Variants in GLIS3 observed in about 807,000 individuals in gnomAD.
GLIS3 encodes the protein zinc finger protein GLIS3.
In GLIS3, 53 loss-of-function variants were observed where a neutral mutation model predicts 78.6. The observed-to-expected ratio is 0.67, with a 90% CI of 0.54 to 0.85. The LOEUF is 0.85. Among genes scored for constraint, GLIS3 ranks in the 40% least tolerant of loss-of-function variants. GLIS3 has a pLI of 0.00. For synonymous variants in GLIS3, 684 were observed against 509.9 expected (o/e 1.34, Z -4.60); for missense variants, 1,703 against 1,231.1 (o/e 1.38, Z -5.74).
At chr9:4,297,364 A>G (rs1156591440) in intron 1 of GLIS3, among the ~76,000 whole-genome samples, 1 of 152,178 alleles carries the variant, frequency 6.6e-6, no homozygotes, top group African/African-American at 2.4e-5. Context: ...CAAAACCTCT[A>G]ACGTCTCTGG....
chr9:4,062,690 G>T (rs1293427849), intron 4 of GLIS3, among the ~76,000 whole-genome samples: 5 of 152,220 alleles, frequency 3.3e-5, no homozygotes, highest in Non-Finnish European at 2.9e-5. Context: ...CACTTCGGGA[G>T]GCCGAGGCGG....
At chr9:3,910,722 T>C (rs766200374) in intron 6 of GLIS3, among the ~76,000 whole-genome samples, 2 of 152,234 alleles carry the variant, frequency 1.3e-5, no homozygotes, top group Non-Finnish European at 2.9e-5. Flanking sequence ...TGGGCAAGTA[T>C]ATTCACTTTC....
Position 4,247,008 on chromosome 9 carries a change from T to C in GLIS3, c.388+39030A>G, listed in dbSNP as rs187504222. Among the ~76,000 whole-genome samples, 482 of 152,310 alleles carry C rather than the reference T, an allele frequency of 3.2e-3. 3 individuals carry two copies. The highest frequency in any genetic ancestry group is 0.01 in the Middle Eastern group (3 of 294). On this transcript the variant is annotated intron_variant, in intron 2 of 10. Coordinates refer to ENST00000381971, the MANE Select transcript of GLIS3 (RefSeq NM_001042413.2). ...TTGTGAAAAGTGGTTGAATTGTCTG[T>C]TCCACATTTTTTCACTAGAACAACT...
chr9:4,037,384 G>A (rs1317315447), intron 4 of GLIS3, among the ~76,000 whole-genome samples: 3 of 152,118 alleles, frequency 2.0e-5, no homozygotes, highest in Non-Finnish European at 4.4e-5. Flanking sequence ...TAAAAGTGTC[G>A]ATCTGATAGG....
In GLIS3 at chr9:4,158,209, T is replaced by A. The variant is rs142523218; in HGVS notation, c.389-32268A>T. ...TCCTTCTTATGTTTCATAAGCTCCT[T>A]TCTCCATTACATCAATTCTGAGTTT... On this transcript the variant is annotated intron_variant, in intron 2 of 10. Coordinates refer to ENST00000381971, the MANE Select transcript of GLIS3 (RefSeq NM_001042413.2). Among the ~76,000 whole-genome samples the A allele has an allele frequency of 8.7e-3, 1,326 of 152,344 alleles. 14 individuals carry two copies. Among genetic ancestry groups the A allele is most frequent in the Middle Eastern group, 0.031 (9 of 294 alleles).
chr9:4,235,794 T>A (rs932922325), intron 2 of GLIS3, among the ~76,000 whole-genome samples: 3 of 152,150 alleles, frequency 2.0e-5, no homozygotes, highest in Non-Finnish European at 4.4e-5. Flanking sequence ...ACATCAATAA[T>A]AACATGGCTG....
chr9:4,208,146 T>C (rs1820048734), intron 2 of GLIS3, among the ~76,000 whole-genome samples: 1 of 152,216 alleles, frequency 6.6e-6, no homozygotes, highest in Non-Finnish European at 1.5e-5. Context: ...GAGAAAAGCT[T>C]TTATTTGACA....
chr9:4,219,197 C>T (rs1487129399), intron 2 of GLIS3, among the ~76,000 whole-genome samples: 1 of 152,216 alleles, frequency 6.6e-6, no homozygotes. Context: ...TCCATGTCCT[C>T]TTCCACGGTC....
chr9:3,841,858 G>C (rs1818739155), intron 9 of GLIS3, among the ~76,000 whole-genome samples: 1 of 152,124 alleles, frequency 6.6e-6, no homozygotes, highest in South Asian at 2.1e-4. Context: ...TATAAGCCTG[G>C]TGTTACCTGT....
chr9:4,233,099 C>G (rs1400901932), intron 2 of GLIS3, among the ~76,000 whole-genome samples: 1 of 152,178 alleles, frequency 6.6e-6, no homozygotes. Flanking sequence ...ACCAACGATA[C>G]AAATACAAAG....
At chr9:4,173,408 C>T (rs979870904) in intron 2 of GLIS3, among the ~76,000 whole-genome samples, 3 of 152,084 alleles carry the variant, frequency 2.0e-5, no homozygotes, top group African/African-American at 7.2e-5. Context: ...TTAACCGTGC[C>T]ACGTGTGTCT....
intron 2 of GLIS3, among the ~76,000 whole-genome samples, chr9:4,321,894 T>C (rs1337478506): frequency 2.0e-5 from 3 of 152,076 alleles, no homozygotes; most frequent in Non-Finnish European, 4.4e-5. Context: ...TTTTTATTAT[T>C]ATGCTTTAAT....
intron 2 of GLIS3, among the ~76,000 whole-genome samples, chr9:4,280,052 C>A (rs1218474736): frequency 6.6e-6 from 1 of 152,194 alleles, no homozygotes; most frequent in Non-Finnish European, 1.5e-5. Flanking sequence ...CAGGGTCTCA[C>A]TCTGTCACCC....
chr9:4,389,843 A>C, the GLIS3 span, among the ~76,000 whole-genome samples: 1 of 152,122 alleles, frequency 6.6e-6, no homozygotes, highest in Non-Finnish European at 1.5e-5. Flanking sequence ...TATTTCAGGC[A>C]CTCTTCTATT....
chr9:3,941,348 TTTTATTTTATTTATTTATTTA>T (rs907814311), intron 4 of GLIS3, among the ~76,000 whole-genome samples: 1 of 151,764 alleles, frequency 6.6e-6, no homozygotes, highest in Non-Finnish European at 1.5e-5. Flanking sequence ...ATTCCCAACT[TTTTATTTTATTTATTTATTTA>T]TTTATTTTAT....
rs539400593 is a variant in GLIS3 at position 4,220,466 on chromosome 9, C to T, written c.388+65572G>A. On this transcript the variant is annotated intron_variant, in intron 2 of 10. Transcript: ENST00000381971. ...AAGGGATAGAAGTTAACACCACCAG[C>T]ATTAGACAGATTGATGCCCACTGAT... is the stretch of plus-strand genomic sequence containing the variant. Among the ~76,000 whole-genome samples the T allele has an allele frequency of 2.6e-5, 4 of 152,348 alleles. No homozygotes were observed. The East Asian group carries it at 7.7e-4, about 29-fold the overall frequency.
chr9:4,334,494 G>C (rs1439486388), intron 2 of GLIS3, among the ~76,000 whole-genome samples: 2 of 152,216 alleles, frequency 1.3e-5, no homozygotes, highest in African/African-American at 2.4e-5. Context: ...TAATCAGCAA[G>C]TCCAAGCTAG....
chr9:3,897,442 T>C (rs1822934454), intron 7 of GLIS3, among the ~76,000 whole-genome samples: 1 of 144,074 alleles, frequency 6.9e-6, no homozygotes, highest in African/African-American at 2.4e-5. Context: ...TTCATATATA[T>C]ATATATATTT....
At position 3,855,541 on chromosome 9, in the gene GLIS3, T is replaced by C. The variant is rs76123116; in HGVS notation, c.2473+468A>G. On this transcript the variant is annotated intron_variant, in intron 9 of 10. Coordinates refer to ENST00000381971, the MANE Select transcript of GLIS3 (RefSeq NM_001042413.2). ...CGATATAAAATCAGAGTTTAGAGCC[T>C]GGAGAGATGACATCAGCTGGGGGAT... The C allele has an allele frequency of 8.3e-3, 1,855 of 224,166 alleles. 36 individuals carry two copies. Among genetic ancestry groups the C allele is most frequent in the African/African-American group, 0.039 (1,705 of 43,518 alleles). The allele number at this position is 224,166 out of a possible 1,614,324, so 13.9% of individuals were successfully genotyped here.
Sources: allele counts gnomAD v4.1 joint callset (sites outside exome capture counted in the v4.1 genomes callset), GRCh38; gene constraint gnomAD v4.1.1; transcripts MANE v1.5; gene names NCBI Gene and HGNC (gene_info 2026-07-23, HGNC 2026-07-21).